USP54: variants seen among roughly 807,000 people sequenced by gnomAD.
The protein encoded by USP54 is ubiquitin carboxyl-terminal hydrolase 54.
Under a neutral mutation model 170.5 loss-of-function variants are expected in USP54, and 87 were observed. The observed-to-expected ratio is 0.51, with a 90% CI of 0.43 to 0.61. The LOEUF (loss-of-function observed/expected upper bound fraction) is 0.61. Among genes scored for constraint, USP54 ranks in the 20% least tolerant of loss-of-function variants. The pLI, the probability that USP54 is intolerant of heterozygous loss-of-function variation, is 0.00. For missense variants in USP54, 1,786 were observed against 2,047.8 expected (o/e 0.87, Z 2.47); for synonymous variants, 655 against 742.8 (o/e 0.88, Z 1.92).
chr10:73,624,872 A>T (rs2081395255), intron 1 of USP54, among the ~76,000 whole-genome samples: 2 of 152,196 alleles, frequency 1.3e-5, no homozygotes. Context: ...TTCATTTCTT[A>T]AAAGGCAAAT....
intron 4 of USP54, among the ~76,000 whole-genome samples, chr10:73,563,837 T>C (rs981871053): frequency 1.1e-4 from 17 of 152,318 alleles, no homozygotes; most frequent in African/African-American, 3.8e-4. Flanking sequence ...TTTGTAGCCT[T>C]GTCTCTTTGC....
chr10:73,547,876 C>G (rs984624682), intron 4 of USP54, among the ~76,000 whole-genome samples: 5 of 152,116 alleles, frequency 3.3e-5, no homozygotes, highest in African/African-American at 1.2e-4. Flanking sequence ...CCAAAATACA[C>G]AAATGGGATC....
At chr10:73,560,974 A>AGGT (rs1030690563) in intron 4 of USP54, among the ~76,000 whole-genome samples, 1 of 146,942 alleles carries the variant, frequency 6.8e-6, no homozygotes, top group African/African-American at 2.5e-5. Flanking sequence ...GCGTGGTGGC[A>AGGT]GGTGCCTGTA....
At chr10:73,526,928 T>C (rs2062980072) in intron 15 of USP54, 148 bp from the exon 16 acceptor site, 1 of 968,390 alleles carries the variant, frequency 1.0e-6, no homozygotes, top group Non-Finnish European at 1.5e-6. Flanking sequence ...AAATATCCAC[T>C]CATTCTCCTA....
intron 17 of USP54, among the ~76,000 whole-genome samples, chr10:73,522,715 A>T (rs2062102074): frequency 6.6e-6 from 1 of 152,232 alleles, no homozygotes; most frequent in African/African-American, 2.4e-5. Flanking sequence ...TAAGGCAACA[A>T]TTACCTTGAA....
intron 20 of USP54, among the ~76,000 whole-genome samples, chr10:73,513,056 A>G (rs2060465877): frequency 6.6e-6 from 1 of 152,174 alleles, no homozygotes; most frequent in African/African-American, 2.4e-5. Context: ...TATAACATTC[A>G]ACTAGTTATT....
intron 1 of USP54, chr10:73,611,770 T>C (rs1238200232): frequency 1.4e-5 from 2 of 146,512 alleles, no homozygotes; most frequent in East Asian, 4.1e-4. Flanking sequence ...GCACTCCGTC[T>C]GGGCAACAGA....
At chr10:73,590,178 C>T (rs2078068069) in intron 1 of USP54, among the ~76,000 whole-genome samples, 1 of 152,166 alleles carries the variant, frequency 6.6e-6, no homozygotes, top group African/African-American at 2.4e-5. Flanking sequence ...TTCTTTCTAC[C>T]TATGTATAGC....
At chr10:73,576,498 G>GAA (rs2076121514) in intron 1 of USP54, 137 bp from the exon 2 acceptor site, 2 of 57,360 alleles carry the variant, frequency 3.5e-5, no homozygotes. Flanking sequence ...CAAAAAAAAA[G>GAA]AAAAAAAGAA....
chr10:73,527,600 A>T (rs180910717), intron 15 of USP54, among the ~76,000 whole-genome samples: 2 of 151,890 alleles, frequency 1.3e-5, no homozygotes, highest in African/African-American at 4.8e-5. Context: ...ACTGAGCCCT[A>T]TGGGCAGGGT....
chr10:73,530,790 T>A lies in USP54; in HGVS notation c.1361A>T (p.Lys454Ile). ...SECNQKHTSK[K>I]GSLIERKRSS... Reference sequence around the variant, plus strand: ...CCTCTTGCGCTCTATCAGTGACCCTTTCTTGGATGTGTGTTTCTGATTACA... The same window carrying A: ...CCTCTTGCGCTCTATCAGTGACCCTATCTTGGATGTGTGTTTCTGATTACA... Residue 454 changes from lysine to isoleucine, a missense_variant, in exon 13 of 24, where the codon AAA becomes ATA. Physicochemically the swap from Lys to Ile is moderately radical, Grantham distance 102 (BLOSUM62 -3). Coordinates refer to ENST00000687698, the MANE Select transcript of USP54 (RefSeq NM_001391956.1). The A allele has an allele frequency of 6.2e-7, 1 of 1,614,104 alleles. No individual in the cohort carries two copies. Among genetic ancestry groups the A allele is most frequent in the Non-Finnish European group, 8.5e-7 (1 of 1,180,010 alleles).
At chr10:73,556,351 T>C (rs1316901865) in intron 4 of USP54, among the ~76,000 whole-genome samples, 1 of 150,264 alleles carries the variant, frequency 6.7e-6, no homozygotes, top group South Asian at 2.1e-4. Context: ...TTTTCTTTTT[T>C]TTTTTTTTTT....
At chr10:73,576,382 A>G (rs2076100011) in intron 1 of USP54, 21 bp from the exon 2 acceptor site, 1 of 152,160 alleles carries the variant, frequency 6.6e-6, no homozygotes, top group Non-Finnish European at 1.5e-5. Flanking sequence ...AATAAAAAAA[A>G]TCAAAAGCTT....
In USP54 at chr10:73,530,801, G is replaced by C; in HGVS notation, c.1350C>G (p.His450Gln). Residue 450 changes from histidine (H) to glutamine (Q), a missense_variant, in exon 13 of 24, where the codon CAC becomes CAG. His to Gln is a conservative substitution (Grantham distance 24). Coordinates refer to ENST00000687698, the MANE Select transcript of USP54 (RefSeq NM_001391956.1). ...CTATCAGTGACCCTTTCTTGGATGT[G>C]TGTTTCTGATTACATTCACTATCAG... ...HLTDSECNQK[H>Q]TSKKGSLIER... 1 of 1,614,112 alleles carries C rather than the reference G, an allele frequency of 6.2e-7. No homozygotes were observed. The highest frequency in any genetic ancestry group is 8.5e-7 in the Non-Finnish European group (1 of 1,180,006).
intron 15 of USP54, among the ~76,000 whole-genome samples, chr10:73,527,513 A>C (rs561671562): frequency 2.0e-5 from 3 of 151,398 alleles, no homozygotes; most frequent in Admixed American, 6.6e-5. Flanking sequence ...AAAAAAAAAA[A>C]AAAAAGAAAA....
At chr10:73,525,364 A>C (rs997199763) in intron 16 of USP54, among the ~76,000 whole-genome samples, 1 of 152,204 alleles carries the variant, frequency 6.6e-6, no homozygotes, top group Non-Finnish European at 1.5e-5. Context: ...TGTGGCGCAT[A>C]AATAGGGCTT....
At chr10:73,523,118 AC>A (rs2062183273) in intron 17 of USP54, among the ~76,000 whole-genome samples, 1 of 152,228 alleles carries the variant, frequency 6.6e-6, no homozygotes, top group African/African-American at 2.4e-5. Flanking sequence ...GTTTGAGGTT[AC>A]AGAATCAATT....
At chr10:73,563,790 T>C (rs1361258902) in intron 4 of USP54, among the ~76,000 whole-genome samples, 2 of 152,128 alleles carry the variant, frequency 1.3e-5, no homozygotes, top group African/African-American at 2.4e-5. Flanking sequence ...ATACTAATCT[T>C]TTGTTACATA....
intron 20 of USP54, among the ~76,000 whole-genome samples, chr10:73,512,622 G>A (rs2133247589): frequency 6.6e-6 from 1 of 152,130 alleles, no homozygotes; most frequent in Admixed American, 6.5e-5. Context: ...CTGGCCTCAA[G>A]TGATTTTCCT....
Sources: gnomAD v4.1 joint callset for allele counts (sites outside exome capture counted in the v4.1 genomes callset) on GRCh38, gnomAD v4.1.1 for gene constraint, MANE v1.5 for transcripts, NCBI Gene and HGNC (gene_info 2026-07-23, HGNC 2026-07-21) for gene names.